CCDC191: variants seen among roughly 807,000 people sequenced by gnomAD.
CCDC191 encodes coiled-coil domain-containing protein 191.
CCDC191 carries 99 observed loss-of-function variants against 114.0 expected under a neutral mutation model. The ratio of observed to expected loss-of-function variants is 0.87; its 90% confidence interval spans 0.74 to 1.03. The LOEUF (loss-of-function observed/expected upper bound fraction) is 1.03. Ranked by LOEUF, CCDC191 falls within the 50% of genes least tolerant of loss-of-function variation. The pLI, the probability that CCDC191 is intolerant of heterozygous loss-of-function variation, is 0.00. For missense variants in CCDC191, 973 were observed against 1,087.0 expected, an observed-to-expected ratio of 0.90 and a Z score of 1.47; for synonymous variants, 351 against 376.0, an observed-to-expected ratio of 0.93 and a Z score of 0.77.
intron 16 of CCDC191, among the ~76,000 whole-genome samples, chr3:113,977,113 A>G (rs1004305643): frequency 2.0e-5 from 3 of 152,158 alleles, no homozygotes; most frequent in African/African-American, 4.8e-5. Context: ...ACCAGTCAAC[A>G]TGGTGAAACC....
chr3:114,023,669 A>C (rs1490625685), intron 7 of CCDC191, among the ~76,000 whole-genome samples: 3 of 152,206 alleles, frequency 2.0e-5, no homozygotes, highest in South Asian at 4.1e-4. Context: ...AAAGCTGAAA[A>C]TGGATCGCTT....
intron 16 of CCDC191, among the ~76,000 whole-genome samples, chr3:113,970,235 C>T (rs117105599): frequency 1.3e-5 from 2 of 152,066 alleles, no homozygotes; most frequent in African/African-American, 4.8e-5. Flanking sequence ...TTTGTCAGAT[C>T]TAACAGTTTT....
chr3:114,003,688 A>C lies in CCDC191; in HGVS notation c.1978+949T>G, dbSNP rs150150968. 1.1e-3 allele frequency: 1,060 copies of C among 985,474 alleles called. 12 individuals carry two copies. In the African/African-American group the frequency reaches 0.017, roughly 16 times the overall value. 61.0% of individuals were successfully genotyped at this position (985,474 alleles called of 1,614,324 possible). On this transcript the variant is annotated intron_variant, in intron 11 of 16. Transcript: ENST00000295878. The stretch of plus-strand genomic sequence containing the variant: ...ACCAAGCTTAATGATAGGCAAAGAC[A>C]GCATAAATTGCTGTCCTGGCAGATA...
chr3:114,031,543 GT>G, intron 7 of CCDC191, 82 bp downstream of exon 7: 1 of 1,206,004 alleles, frequency 8.3e-7, no homozygotes, highest in Non-Finnish European at 1.2e-6. Flanking sequence ...ACTGGACTTA[GT>G]TTTTATTTTA....
intron 5 of CCDC191, among the ~76,000 whole-genome samples, chr3:114,035,891 TTC>T (rs1335605406): frequency 6.6e-6 from 1 of 152,198 alleles, no homozygotes; most frequent in Non-Finnish European, 1.5e-5. Context: ...TTCTACTCAT[TTC>T]TCTAACATCC....
Position 113,988,989 on chromosome 3 carries a change from G to T in CCDC191, c.2164-8196C>A, listed in dbSNP as rs565424537. On this transcript the variant is annotated intron_variant, in intron 13 of 16. Transcript: ENST00000295878. ...TTTTGTATTTTTTTAGTAGAGACAGGGTTTCACCATGTTAGCCAGGATAGT... is the reference window on the plus strand; with the variant it reads ...TTTTGTATTTTTTTAGTAGAGACAGTGTTTCACCATGTTAGCCAGGATAGT... 2.6e-5 allele frequency among the ~76,000 whole-genome samples: 4 copies of T among 152,064 alleles called. 1 individual carries two copies. In the East Asian group the frequency reaches 7.7e-4, roughly 29 times the overall value.
intron 2 of CCDC191, chr3:114,047,184 G>A (rs2076642132): frequency 9.4e-6 from 8 of 850,404 alleles, no homozygotes; most frequent in Non-Finnish European, 9.9e-6. Flanking sequence ...CTCATATTAG[G>A]CAATCATATA....
intron 4 of CCDC191, among the ~76,000 whole-genome samples, chr3:114,042,303 A>G (rs2076573297): frequency 6.6e-6 from 1 of 152,220 alleles, no homozygotes; most frequent in Non-Finnish European, 1.5e-5. Flanking sequence ...AATAATAAAC[A>G]TTTTAAAATA....
chr3:113,986,386 T>C (rs951776686), intron 13 of CCDC191, among the ~76,000 whole-genome samples: 8 of 152,110 alleles, frequency 5.3e-5, no homozygotes, highest in African/African-American at 1.7e-4. Context: ...AGAAAAAGAA[T>C]GGGGTAAGTG....
chr3:114,048,354 A>T (rs2076657823), intron 2 of CCDC191, among the ~76,000 whole-genome samples: 1 of 152,212 alleles, frequency 6.6e-6, no homozygotes, highest in Non-Finnish European at 1.5e-5. Context: ...TCCACTCAAA[A>T]GCCTTCAGTG....
intron 2 of CCDC191, among the ~76,000 whole-genome samples, chr3:114,050,897 GA>G (rs966594099): frequency 2.0e-5 from 3 of 152,180 alleles, no homozygotes. Flanking sequence ...ATCTCATCAA[GA>G]TGAGGATAAA....
At chr3:113,965,409 T>A in intron 16 of CCDC191, 50 bp from the exon 17 acceptor site, 2 of 1,135,716 alleles carry the variant, frequency 1.8e-6, no homozygotes, top group Non-Finnish European at 2.5e-6. Context: ...AAAGTTGGCT[T>A]TCCATCTATA....
At chr3:113,974,481 G>A (rs1015347784) in intron 16 of CCDC191, among the ~76,000 whole-genome samples, 3 of 151,916 alleles carry the variant, frequency 2.0e-5, no homozygotes, top group Admixed American at 6.6e-5. Flanking sequence ...CACCATGCCT[G>A]GCTAATTTTT....
At position 114,004,619 on chromosome 3, in the gene CCDC191, C is replaced by A; in HGVS notation, c.1978+18G>T. 1 of 1,609,530 alleles carries A rather than the reference C, an allele frequency of 6.2e-7. No homozygotes were observed. Among genetic ancestry groups the A allele is most frequent in the Non-Finnish European group, 8.5e-7 (1 of 1,177,548 alleles). On this transcript the variant is annotated intron_variant, in intron 11 of 16. Coordinates refer to ENST00000295878, the MANE Select transcript of CCDC191 (RefSeq NM_020817.2). Reference sequence around the variant, plus strand: ...GAGAAGATAACAACCACCAAGGCCACCACCGAGACAGCCCTGCCTTTTAGT... The same window carrying A: ...GAGAAGATAACAACCACCAAGGCCAACACCGAGACAGCCCTGCCTTTTAGT...
Position 114,002,511 on chromosome 3 carries a change from G to A in CCDC191, c.2006C>T (p.Ala669Val), listed in dbSNP as rs144232350. The A allele has an allele frequency of 4.3e-6, 7 of 1,610,160 alleles. No individual in the cohort carries two copies. The African/African-American group carries it at 9.4e-5, about 22-fold the overall frequency. The part of the protein sequence containing the change: ...KAMEERAIQR[A>V]ECRRILAEKK... ...CTCTGCCAAGATCCGCCTACATTCA[G>A]CTCGTTGAATTGCTCTCTCTTCCAT... Residue 669 changes from alanine (A) to valine (V), a missense_variant, in exon 12 of 17, where the codon GCT (alanine) becomes GTT (valine). Transcript: ENST00000295878.
intron 4 of CCDC191, among the ~76,000 whole-genome samples, chr3:114,041,462 C>T (rs918157700): frequency 1.4e-4 from 21 of 152,144 alleles, no homozygotes; most frequent in Admixed American, 1.3e-3. Flanking sequence ...TCCTAACTAA[C>T]GGAAACTTCT....
chr3:114,006,154 A>C (rs1577399945), intron 9 of CCDC191, 192 bp from the exon 10 acceptor site: 1 of 671,036 alleles, frequency 1.5e-6, no homozygotes, highest in East Asian at 2.8e-5. Flanking sequence ...CTCACCATGA[A>C]AACTGGGAGA....
chr3:113,976,417 A>G (rs1298646104), intron 16 of CCDC191, among the ~76,000 whole-genome samples: 1 of 152,092 alleles, frequency 6.6e-6, no homozygotes, highest in South Asian at 2.1e-4. Context: ...TTATCTTTAT[A>G]CCTTGACAAT....
intron 13 of CCDC191, among the ~76,000 whole-genome samples, chr3:113,983,293 T>C (rs890722693): frequency 2.6e-5 from 4 of 152,184 alleles, no homozygotes; most frequent in African/African-American, 9.7e-5. Context: ...GACTTGATCT[T>C]GGACTCTCAT....
Sources: gnomAD v4.1 joint callset for allele counts (sites outside exome capture counted in the v4.1 genomes callset) on GRCh38, gnomAD v4.1.1 for gene constraint, MANE v1.5 for transcripts, NCBI Gene and HGNC (gene_info 2026-07-23, HGNC 2026-07-21) for gene names.